The following FBXL17 variants were observed in gnomAD, a reference collection of about 807,000 sequenced individuals.
FBXL17 encodes the protein F-box/LRR-repeat protein 17.
Under a neutral mutation model 66.2 loss-of-function variants are expected in FBXL17, and 22 were observed. That is an observed-to-expected ratio of 0.33 (90% confidence interval 0.24 to 0.47). The LOEUF is 0.47. Among genes scored for constraint, FBXL17 ranks in the 20% least tolerant of loss-of-function variants. FBXL17 has a pLI of 1.00. For synonymous variants in FBXL17, 474 were observed against 400.5 expected, an observed-to-expected ratio of 1.18 and a Z score of -2.19; for missense variants, 878 against 948.2, an observed-to-expected ratio of 0.93 and a Z score of 0.97.
chr5:108,353,986 T>A (rs144863380), intron 3 of FBXL17, among the ~76,000 whole-genome samples: 200 of 152,298 alleles, frequency 1.3e-3, no homozygotes, highest in African/African-American at 4.7e-3. Context: ...TTCAGATTTT[T>A]GAATATTTGC....
chr5:107,993,220 C>T lies in FBXL17; in HGVS notation c.1822+27705G>A, dbSNP rs957271312. Reference sequence around the variant, plus strand: ...TGTTTTTCTTTTCTAAGTCCTATCACTTGTACTTTTCTTATTCCTCAATTT... The same window carrying T: ...TGTTTTTCTTTTCTAAGTCCTATCATTTGTACTTTTCTTATTCCTCAATTT... On this transcript the variant is annotated intron_variant, in intron 7 of 8. Coordinates refer to ENST00000542267, the MANE Select transcript of FBXL17 (RefSeq NM_001163315.3). Among the ~76,000 whole-genome samples the T allele has an allele frequency of 3.3e-5, 5 of 152,058 alleles. No individual in the cohort carries two copies. The South Asian group carries it at 8.3e-4, about 25-fold the overall frequency.
chr5:108,121,563 AT>A lies in FBXL17; in HGVS notation c.1745+64553del, dbSNP rs780654824. 3.9e-3 allele frequency among the ~76,000 whole-genome samples: 574 copies of A among 146,638 alleles called. 2 individuals carry two copies. The highest frequency in any genetic ancestry group is 0.021 in the Middle Eastern group (6 of 280). ...TAATTGATACAAAAATATATTTACA[AT>A]TTTTTTTTTTTTGAGACAGAGTCTC... is the stretch of plus-strand genomic sequence containing the variant. On this transcript the variant is annotated intron_variant, in intron 6 of 8. Transcript: ENST00000542267.
intron 5 of FBXL17, among the ~76,000 whole-genome samples, chr5:108,205,012 A>T (rs982161680): frequency 8.6e-5 from 13 of 151,944 alleles, no homozygotes; most frequent in Non-Finnish European, 1.8e-4. Context: ...TTGGGCTCAA[A>T]AGATCCCCTC....
At chr5:107,926,624 G>A (rs1750534182) in intron 7 of FBXL17, among the ~76,000 whole-genome samples, 1 of 151,568 alleles carries the variant, frequency 6.6e-6, no homozygotes, top group Non-Finnish European at 1.5e-5. Flanking sequence ...CAGGTCAAAA[G>A]TTAGGAAGGC....
intron 4 of FBXL17, among the ~76,000 whole-genome samples, chr5:108,279,096 C>T (rs779696007): frequency 2.6e-5 from 4 of 152,196 alleles, no homozygotes; most frequent in Non-Finnish European, 5.9e-5. Flanking sequence ...AAGCACACAG[C>T]ATTTGGAACC....
intron 6 of FBXL17, among the ~76,000 whole-genome samples, chr5:108,120,851 A>C (rs190597835): frequency 6.6e-6 from 1 of 152,312 alleles, no homozygotes; most frequent in Non-Finnish European, 1.5e-5. Context: ...TGCCTAGAAT[A>C]GTGCCTGGAA....
intron 4 of FBXL17, among the ~76,000 whole-genome samples, chr5:108,249,164 T>A (rs2150110911): frequency 6.6e-6 from 1 of 152,220 alleles, no homozygotes; most frequent in East Asian, 1.9e-4. Context: ...TTTTCCCTTT[T>A]CACCAGAAAA....
At chr5:107,887,822 TAA>T (rs1409378701) in intron 7 of FBXL17, among the ~76,000 whole-genome samples, 1 of 152,152 alleles carries the variant, frequency 6.6e-6, no homozygotes, top group East Asian at 1.9e-4. Flanking sequence ...GGAGAAGCTA[TAA>T]AAGTTTCTGT....
intron 6 of FBXL17, among the ~76,000 whole-genome samples, chr5:108,107,824 G>GAA (rs59763281): frequency 7.0e-6 from 1 of 143,016 alleles, no homozygotes; most frequent in Non-Finnish European, 1.5e-5. Context: ...AAAAAAAAAA[G>GAA]AAAAGAAAAA....
intron 7 of FBXL17, among the ~76,000 whole-genome samples, chr5:107,912,559 T>C (rs977041677): frequency 2.0e-5 from 3 of 152,152 alleles, no homozygotes; most frequent in Admixed American, 6.6e-5. Flanking sequence ...AAGCATGTTA[T>C]TGACAGATAT....
intron 7 of FBXL17, among the ~76,000 whole-genome samples, chr5:107,893,005 T>C (rs183888211): frequency 2.6e-5 from 4 of 152,320 alleles, no homozygotes; most frequent in African/African-American, 7.2e-5. Context: ...CATTCCCAGT[T>C]TGCTGTCTAA....
At chr5:108,297,904 T>G (rs765476479) in intron 4 of FBXL17, 250 of 953,662 alleles carry the variant, frequency 2.6e-4, no homozygotes, top group Non-Finnish European at 3.0e-4. Context: ...TTCAGCAAAA[T>G]CAGAATCCAT....
chr5:108,295,167 A>C (rs1758293564), intron 4 of FBXL17, among the ~76,000 whole-genome samples: 1 of 151,974 alleles, frequency 6.6e-6, no homozygotes, highest in African/African-American at 2.4e-5. Context: ...TTCCTAGTAA[A>C]ATTTTAAAAT....
At chr5:108,173,519 G>C (rs1419275843) in intron 6 of FBXL17, among the ~76,000 whole-genome samples, 1 of 152,178 alleles carries the variant, frequency 6.6e-6, no homozygotes, top group South Asian at 2.1e-4. Flanking sequence ...ATTTATTACA[G>C]TAAAGAAATG....
intron 6 of FBXL17, among the ~76,000 whole-genome samples, chr5:108,122,438 T>C (rs1750540234): frequency 6.6e-6 from 1 of 152,212 alleles, no homozygotes; most frequent in Non-Finnish European, 1.5e-5. Flanking sequence ...ATTAAGTATA[T>C]TGTTACAAAA....
intron 6 of FBXL17, among the ~76,000 whole-genome samples, chr5:108,099,633 A>C (rs1749527622): frequency 6.6e-6 from 1 of 152,166 alleles, no homozygotes. Flanking sequence ...TTACCATCCT[A>C]GATATGAATG....
At chr5:108,055,052 A>G (rs1420483266) in intron 6 of FBXL17, among the ~76,000 whole-genome samples, 1 of 152,170 alleles carries the variant, frequency 6.6e-6, no homozygotes, top group Non-Finnish European at 1.5e-5. Context: ...CCAAGCATGT[A>G]ATAATGTCAT....
chr5:108,070,175 C>G (rs573866191), intron 6 of FBXL17, among the ~76,000 whole-genome samples: 7 of 152,250 alleles, frequency 4.6e-5, no homozygotes, highest in Middle Eastern at 6.8e-3. Context: ...TCCATTAGAA[C>G]CAATAATGTC....
intron 4 of FBXL17, among the ~76,000 whole-genome samples, chr5:108,231,444 T>C (rs974897434): frequency 7.2e-5 from 11 of 152,174 alleles, no homozygotes; most frequent in Admixed American, 7.2e-4. Flanking sequence ...GTCTCTAGCT[T>C]CTTTCACTAA....
Sources: gnomAD v4.1 joint callset for allele counts (sites outside exome capture counted in the v4.1 genomes callset) on GRCh38, gnomAD v4.1.1 for gene constraint, MANE v1.5 for transcripts, NCBI Gene and HGNC (gene_info 2026-07-23, HGNC 2026-07-21) for gene names.